DYNC1I1: variants seen among roughly 807,000 people sequenced by gnomAD.
DYNC1I1 encodes the protein cytoplasmic dynein 1 intermediate chain 1.
A neutral mutation model predicts 86.6 loss-of-function variants in DYNC1I1; 43 were observed. That is an observed-to-expected ratio of 0.50 (90% CI 0.39 to 0.64). The LOEUF (loss-of-function observed/expected upper bound fraction) is 0.64. DYNC1I1 is among the 30% of genes least tolerant of loss of function. The pLI is 0.00. For synonymous variants in DYNC1I1, 262 were observed against 283.7 expected (o/e 0.92, Z 0.77); for missense variants, 604 against 788.8 (o/e 0.77, Z 2.81).
At chr7:95,988,656 A>G (rs985499936) in intron 9 of DYNC1I1, among the ~76,000 whole-genome samples, 1 of 152,232 alleles carries the variant, frequency 6.6e-6, no homozygotes, top group African/African-American at 2.4e-5. Flanking sequence ...TAACACTGAC[A>G]TAAGAACAGT....
Position 95,933,414 on chromosome 7 carries a change from A to G in DYNC1I1, c.491-44098A>G, listed in dbSNP as rs372575054. On this transcript the variant is annotated intron_variant, in intron 6 of 16. Transcript: ENST00000447467. ...AAAGGAAGCAGCCTCAGATGAAGCCATTTTAGCCATTGATGTGTCTCAAAA... is the reference window on the plus strand; with the variant it reads ...AAAGGAAGCAGCCTCAGATGAAGCCGTTTTAGCCATTGATGTGTCTCAAAA... 2.5e-4 allele frequency among the ~76,000 whole-genome samples: 38 copies of G among 152,298 alleles called. No individual in the cohort carries two copies. In the East Asian group the frequency reaches 2.5e-3, roughly 10 times the overall value.
intron 4 of DYNC1I1, among the ~76,000 whole-genome samples, chr7:95,820,925 T>C (rs1795061204): frequency 6.6e-6 from 1 of 152,224 alleles, no homozygotes; most frequent in African/African-American, 2.4e-5. Context: ...TTCTTCAGTA[T>C]GGAAGTGAGT....
intron 6 of DYNC1I1, among the ~76,000 whole-genome samples, chr7:95,913,642 A>G (rs1584154174): frequency 6.6e-6 from 1 of 152,326 alleles, no homozygotes; most frequent in South Asian, 2.1e-4. Context: ...CTGTGAGTCC[A>G]TTAAACCTCT....
At chr7:95,886,849 G>C (rs1007882955) in intron 6 of DYNC1I1, among the ~76,000 whole-genome samples, 5 of 152,222 alleles carry the variant, frequency 3.3e-5, no homozygotes, top group Non-Finnish European at 7.3e-5. Flanking sequence ...ACTTCCTTGT[G>C]AGTGATGGTA....
Position 95,926,226 on chromosome 7 carries a change from T to G in DYNC1I1, c.491-51286T>G, listed in dbSNP as rs548920384. On this transcript the variant is annotated intron_variant, in intron 6 of 16. Coordinates refer to ENST00000447467, the MANE Select transcript of DYNC1I1 (RefSeq NM_001135556.2). ...TGACAGGAAAGATTTAACTAGACTG[T>G]AAGAATGCTCATTGCAGTATTCTTT... Among the ~76,000 whole-genome samples the G allele has an allele frequency of 2.5e-4, 38 of 152,338 alleles. 1 individual carries two copies. In the South Asian group the frequency reaches 5.4e-3, roughly 22 times the overall value.
intron 6 of DYNC1I1, among the ~76,000 whole-genome samples, chr7:95,877,331 A>G (rs897848469): frequency 1.3e-5 from 2 of 152,200 alleles, no homozygotes; most frequent in Admixed American, 1.3e-4. Flanking sequence ...TGTCTTCTCC[A>G]TGGCTCATGT....
In DYNC1I1 at chr7:96,081,079, A is replaced by AAAAAAAG. The variant is rs375715304; in HGVS notation, c.1776+595_1776+596insAAGAAAA. On this transcript the variant is annotated intron_variant, in intron 16 of 16. Transcript: ENST00000447467. ...AGAGACTCCATCTCAAAAAAAAAAGAAAAAGAAAAGAAAAGAAAAGTTTGC... is the reference window on the plus strand; with the variant it reads ...AGAGACTCCATCTCAAAAAAAAAAGAAAAAAAGAAAAGAAAAGAAAAGAAAAGTTTGC... Among the ~76,000 whole-genome samples, 5 of 133,686 alleles carry AAAAAAAG rather than the reference A, an allele frequency of 3.7e-5. 1 individual carries two copies. The highest frequency in any genetic ancestry group is 2.2e-4 in the East Asian group (1 of 4,566). The allele number at this position is 133,686 out of a possible 152,430, so 87.7% of individuals were successfully genotyped here.
intron 1 of DYNC1I1, among the ~76,000 whole-genome samples, chr7:95,786,907 C>A (rs1202207360): frequency 3.3e-5 from 5 of 152,226 alleles, no homozygotes; most frequent in Admixed American, 3.3e-4. Context: ...TGTGGGTACA[C>A]ACTCGTGCTG....
intron 6 of DYNC1I1, among the ~76,000 whole-genome samples, chr7:95,977,092 T>C (rs555781120): frequency 1.3e-5 from 2 of 152,318 alleles, no homozygotes; most frequent in African/African-American, 4.8e-5. Flanking sequence ...AAAAACAAAT[T>C]AATTTGGTGA....
chr7:96,107,309 T>A (rs1019932411), intron 16 of DYNC1I1, among the ~76,000 whole-genome samples: 5 of 151,576 alleles, frequency 3.3e-5, no homozygotes, highest in African/African-American at 1.2e-4. Context: ...GGATTACAGG[T>A]GTGAGCCACC....
rs61571160 is a variant in DYNC1I1 at position 96,074,550 on chromosome 7, CAAAAA to C, written c.1510-1487_1510-1483del. Among the ~76,000 whole-genome samples the C allele has an allele frequency of 4.5e-3, 298 of 66,940 alleles. 1 individual carries two copies. Among genetic ancestry groups the C allele is most frequent in the Middle Eastern group, 0.018 (2 of 114 alleles). The allele number at this position is 66,940 out of a possible 152,430, so 43.9% of individuals were successfully genotyped here. ...TGGGCGACAGAGCGAGACTCCGTCT[CAAAAA>C]AAAAAAAAAAAAAAAAAAAGTTTCT... On this transcript the variant is annotated intron_variant, in intron 14 of 16. Coordinates refer to ENST00000447467, the MANE Select transcript of DYNC1I1 (RefSeq NM_001135556.2).
intron 6 of DYNC1I1, among the ~76,000 whole-genome samples, chr7:95,971,549 T>G (rs1793171363): frequency 1.3e-5 from 2 of 152,154 alleles, no homozygotes; most frequent in Non-Finnish European, 2.9e-5. Context: ...TCCAAGTCTA[T>G]TCTCCAATAA....
intron 1 of DYNC1I1, among the ~76,000 whole-genome samples, chr7:95,783,092 C>T (rs939392198): frequency 3.9e-5 from 6 of 152,114 alleles, no homozygotes; most frequent in Non-Finnish European, 8.8e-5. Flanking sequence ...CATTTAGGGC[C>T]GTTGGTTTCC....
chr7:95,776,368 C>T (rs1270242889), intron 1 of DYNC1I1, among the ~76,000 whole-genome samples: 1 of 152,106 alleles, frequency 6.6e-6, no homozygotes, highest in Non-Finnish European at 1.5e-5. Context: ...ATTCATAAAA[C>T]ATCCTTGATT....
chr7:95,846,372 T>G (rs1789425709), intron 5 of DYNC1I1, among the ~76,000 whole-genome samples: 1 of 152,230 alleles, frequency 6.6e-6, no homozygotes, highest in African/African-American at 2.4e-5. Context: ...TGGTTGTGCC[T>G]ATTGATTGAG....
intron 6 of DYNC1I1, among the ~76,000 whole-genome samples, chr7:95,927,330 A>G (rs1791772520): frequency 6.6e-6 from 1 of 152,136 alleles, no homozygotes; most frequent in Admixed American, 6.5e-5. Flanking sequence ...CCGTCCATAC[A>G]ATGAGAGGCA....
At chr7:95,792,221 C>T (rs1448349813) in intron 1 of DYNC1I1, among the ~76,000 whole-genome samples, 1 of 152,268 alleles carries the variant, frequency 6.6e-6, no homozygotes, top group African/African-American at 2.4e-5. Flanking sequence ...TCCAGCAGAA[C>T]TACGTGCAGG....
intron 11 of DYNC1I1, among the ~76,000 whole-genome samples, chr7:96,028,791 T>C (rs191178657): frequency 6.6e-6 from 1 of 152,322 alleles, no homozygotes; most frequent in African/African-American, 2.4e-5. Flanking sequence ...GGTGTAAGTC[T>C]CAACATAAAG....
At chr7:95,825,897 A>C (rs1584256538) in intron 4 of DYNC1I1, among the ~76,000 whole-genome samples, 1 of 152,310 alleles carries the variant, frequency 6.6e-6, no homozygotes, top group East Asian at 1.9e-4. Flanking sequence ...TAGAACTACA[A>C]ATTCTAGGGC....
Sources: allele counts gnomAD v4.1 joint callset (sites outside exome capture counted in the v4.1 genomes callset), GRCh38; gene constraint gnomAD v4.1.1; transcripts MANE v1.5; gene names NCBI Gene and HGNC (gene_info 2026-07-23, HGNC 2026-07-21).